The following ERAP1 variants were observed in gnomAD, a reference collection of about 807,000 sequenced individuals.
ERAP1 encodes endoplasmic reticulum aminopeptidase 1, also known as adipocyte-derived leucine aminopeptidase.
ERAP1 carries 86 observed loss-of-function variants against 103.7 expected under a neutral mutation model. That is an observed-to-expected ratio of 0.83 (90% confidence interval 0.70 to 0.99). ERAP1 has a LOEUF of 0.99. Ranked by LOEUF, ERAP1 falls within the 50% of genes least tolerant of loss-of-function variation. The pLI, the probability that ERAP1 is intolerant of heterozygous loss-of-function variation, is 0.00. For missense variants in ERAP1, 1,009 were observed against 1,128.4 expected, an observed-to-expected ratio of 0.89 and a Z score of 1.52; for synonymous variants, 398 against 402.4, an observed-to-expected ratio of 0.99 and a Z score of 0.13.
chr5:96,871,105 C>G, the ERAP1 span, among the ~76,000 whole-genome samples: 1 of 152,224 alleles, frequency 6.6e-6, no homozygotes, highest in Non-Finnish European at 1.5e-5. Flanking sequence ...GCTCTCTCCT[C>G]TTTGGTATTC....
At chr5:96,934,895 G>C in the ERAP1 span, 2 of 153,046 alleles carry the variant, frequency 1.3e-5, no homozygotes, top group Non-Finnish European at 2.9e-5. Context: ...GCGCTGGGAG[G>C]GCGGCGGCCT....
chr5:96,819,482 GA>G, the ERAP1 span, among the ~76,000 whole-genome samples: 3 of 152,290 alleles, frequency 2.0e-5, no homozygotes, highest in East Asian at 5.8e-4. Context: ...TGTGGCTCCA[GA>G]GGGGTGTGTG....
chr5:96,926,804 T>A, the ERAP1 span, among the ~76,000 whole-genome samples: 109 of 152,290 alleles, frequency 7.2e-4, 1 homozygote, highest in African/African-American at 2.5e-3. Flanking sequence ...AACATTCATC[T>A]ACCATTTTTG....
At chr5:96,882,329 T>G in the ERAP1 span, among the ~76,000 whole-genome samples, 1 of 152,196 alleles carries the variant, frequency 6.6e-6, no homozygotes, top group African/African-American at 2.4e-5. Flanking sequence ...GGGGAGATAT[T>G]TGGAGTAAAG....
chr5:96,773,197 A>G (rs998449849), downstream of ERAP1: 1 of 153,774 alleles, frequency 6.5e-6, no homozygotes, highest in African/African-American at 2.4e-5. Flanking sequence ...CTAATAATAA[A>G]TTAATAACAG....
rs1777209497 is a variant in ERAP1, at chr5:96,795,160, A to C, written c.801T>G (p.Val267=). The change falls in exon 5 of 19, where the codon GTT becomes GTG. Residue 267 remains valine (V), a splice_region_variant and synonymous_variant. Transcript: ENST00000443439. ...TCTTGTCTGGCACAGCATAAACAGA[A>C]ACCTAAAGAGAAAGGCACAGAAAGG... ...VSKITKSGVK[V]SVYAVPDKIN... 1 of 1,613,584 alleles carries C rather than the reference A, an allele frequency of 6.2e-7. No individual in the cohort carries two copies. Among genetic ancestry groups the C allele is most frequent in the Non-Finnish European group, 8.5e-7 (1 of 1,179,944 alleles).
At chr5:96,880,190 C>T in the ERAP1 span, 1 of 1,614,014 alleles carries the variant, frequency 6.2e-7, no homozygotes, top group Non-Finnish European at 8.5e-7. Flanking sequence ...TATGGACTTC[C>T]AAGCCAAGTT....
chr5:96,914,148 T>A, the ERAP1 span, among the ~76,000 whole-genome samples: 993 of 148,024 alleles, frequency 6.7e-3, 14 homozygotes, highest in African/African-American at 0.022. Context: ...TCTCTCTCTC[T>A]CACACACACA....
chr5:96,864,362 G>T, the ERAP1 span, among the ~76,000 whole-genome samples: 1 of 152,162 alleles, frequency 6.6e-6, no homozygotes, highest in Non-Finnish European at 1.5e-5. Context: ...GAGGCCAACA[G>T]ATGCTTCTTT....
At chr5:96,882,459 A>G in the ERAP1 span, among the ~76,000 whole-genome samples, 1 of 152,194 alleles carries the variant, frequency 6.6e-6, no homozygotes, top group Admixed American at 6.5e-5. Context: ...ATGTATGATA[A>G]TGTACTGCAC....
chr5:96,895,067 G>A, the ERAP1 span, among the ~76,000 whole-genome samples: 1 of 151,946 alleles, frequency 6.6e-6, no homozygotes, highest in Non-Finnish European at 1.5e-5. Context: ...AAAATGTGGT[G>A]GTGAGAATAA....
the ERAP1 span, chr5:96,909,914 G>A: frequency 1.9e-3 from 1,303 of 677,368 alleles, 7 homozygotes; most frequent in Non-Finnish European, 1.2e-3. Flanking sequence ...CTCTCACATT[G>A]TAAGTGCTAT....
the ERAP1 span, among the ~76,000 whole-genome samples, chr5:96,843,179 C>T: frequency 2.0e-5 from 3 of 152,154 alleles, no homozygotes; most frequent in Admixed American, 1.3e-4. Flanking sequence ...AGGAGTAGGC[C>T]GGCACAAGCA....
chr5:96,873,504 C>T, the ERAP1 span: 5 of 454,940 alleles, frequency 1.1e-5, no homozygotes, highest in Non-Finnish European at 2.2e-5. Flanking sequence ...CTTCTTGGGG[C>T]TGGCATTTAC....
In ERAP1 at chr5:96,784,069, A is replaced by C; in HGVS notation, c.1955T>G (p.Leu652Arg). 6.2e-7 allele frequency: 1 copy of C among 1,614,178 alleles called. No homozygotes were observed. The highest frequency in any genetic ancestry group is 1.1e-5 in the South Asian group (1 of 91,086). Residue 652 changes from leucine to arginine, a missense_variant, in exon 14 of 19, where the codon CTG becomes CGG. This residue lies in a region of ERAP1 where 611 missense variants were observed against 651.7 expected (regional missense o/e 0.94). Transcript: ENST00000443439. ...NAFQLVSIGK[L>R]SIEKALDLSL... ...TAAATCCAAGGCCTTTTCAATGGAC[A>C]GCTTCCCAATGCTGACCAAGAGACA... is the stretch of plus-strand genomic sequence containing the variant.
the ERAP1 span, among the ~76,000 whole-genome samples, chr5:96,856,229 G>A: frequency 7.1e-6 from 1 of 141,662 alleles, no homozygotes; most frequent in African/African-American, 2.6e-5. Flanking sequence ...TGAGGCAGGA[G>A]AATTATTTGA....
At chr5:96,925,072 G>C in the ERAP1 span, among the ~76,000 whole-genome samples, 2 of 152,138 alleles carry the variant, frequency 1.3e-5, no homozygotes, top group African/African-American at 4.8e-5. Context: ...TGGTTTGCCA[G>C]CACATCATTA....
the ERAP1 span, among the ~76,000 whole-genome samples, chr5:96,904,708 C>T: frequency 6.6e-6 from 1 of 152,082 alleles, no homozygotes; most frequent in South Asian, 2.1e-4. Context: ...CAATGCAAGA[C>T]TTGGAAAAAA....
chr5:96,900,326 C>T, the ERAP1 span: 10 of 1,342,576 alleles, frequency 7.4e-6, no homozygotes, highest in Admixed American at 2.6e-5. Flanking sequence ...TTCTCTAAAA[C>T]AAAACTGAAG....
Sources: allele counts gnomAD v4.1 joint callset (sites outside exome capture counted in the v4.1 genomes callset), GRCh38; gene constraint gnomAD v4.1.1; regional missense constraint gnomAD v4.1.1; transcripts MANE v1.5; gene names NCBI Gene and HGNC (gene_info 2026-07-23, HGNC 2026-07-21).